Variants in PHF24 observed in about 807,000 individuals in gnomAD.
PHF24 encodes Galpha inhibitory interacting protein.
In PHF24, 25 loss-of-function variants were observed where a neutral mutation model predicts 42.6. That is an observed-to-expected ratio of 0.59 (90% confidence interval 0.43 to 0.82). The LOEUF is 0.82. Among genes scored for constraint, PHF24 ranks in the 40% least tolerant of loss-of-function variants. The pLI, the probability that PHF24 is intolerant of heterozygous loss-of-function variation, is 0.00. For synonymous variants in PHF24, 185 were observed against 204.8 expected, an observed-to-expected ratio of 0.90 and a Z score of 0.83; for missense variants, 470 against 538.1, an observed-to-expected ratio of 0.87 and a Z score of 1.25.
At chr9:34,893,640 C>T in the PHF24 span, among the ~76,000 whole-genome samples, 1 of 151,868 alleles carries the variant, frequency 6.6e-6, no homozygotes, top group African/African-American at 2.4e-5. Flanking sequence ...AAGAAAAAGC[C>T]ATTTGGCAAG....
the PHF24 span, among the ~76,000 whole-genome samples, chr9:34,715,103 G>T: frequency 1.3e-5 from 2 of 152,040 alleles, no homozygotes; most frequent in African/African-American, 4.8e-5. Context: ...AAGGTTAGGA[G>T]CCCTAAGGGA....
At chr9:34,940,273 C>T in the PHF24 span, among the ~76,000 whole-genome samples, 1 of 152,068 alleles carries the variant, frequency 6.6e-6, no homozygotes, top group Non-Finnish European at 1.5e-5. Context: ...TTCTCCCTCC[C>T]AGATAAGCAC....
the PHF24 span, among the ~76,000 whole-genome samples, chr9:34,738,909 T>C: frequency 6.6e-5 from 10 of 152,124 alleles, no homozygotes; most frequent in Non-Finnish European, 1.0e-4. Flanking sequence ...TATCTGAGGA[T>C]GATGGAGAAG....
chr9:34,837,687 CT>C, the PHF24 span: 1 of 1,522,554 alleles, frequency 6.6e-7, no homozygotes, highest in Non-Finnish European at 8.9e-7. Flanking sequence ...CTTTGCCTGA[CT>C]TTTTGGTGAC....
chr9:34,830,316 T>G, the PHF24 span, among the ~76,000 whole-genome samples: 1 of 152,266 alleles, frequency 6.6e-6, no homozygotes, highest in Non-Finnish European at 1.5e-5. Flanking sequence ...GTTTATCATT[T>G]TGCCTTAAAA....
chr9:34,680,864 C>G, the PHF24 span: 1 of 152,108 alleles, frequency 6.6e-6, no homozygotes, highest in Non-Finnish European at 1.5e-5. Flanking sequence ...TTCACTGACT[C>G]CTCTTTTCTT....
chr9:34,720,745 C>T, the PHF24 span, among the ~76,000 whole-genome samples: 1 of 152,216 alleles, frequency 6.6e-6, no homozygotes, highest in Non-Finnish European at 1.5e-5. Context: ...GCCTCATGCT[C>T]TTGCGCAGTC....
the PHF24 span, among the ~76,000 whole-genome samples, chr9:34,807,162 G>A: frequency 6.6e-6 from 1 of 152,184 alleles, no homozygotes; most frequent in Admixed American, 6.5e-5. Flanking sequence ...CATTAAGTAT[G>A]ATGCTACTAT....
the PHF24 span, among the ~76,000 whole-genome samples, chr9:34,881,599 T>C: frequency 6.6e-6 from 1 of 152,116 alleles, no homozygotes; most frequent in East Asian, 1.9e-4. Flanking sequence ...ACAAATAAAC[T>C]AGAAAATCTA....
the PHF24 span, chr9:34,724,861 A>G: frequency 1.3e-6 from 2 of 1,548,942 alleles, no homozygotes; most frequent in Non-Finnish European, 1.7e-6. Context: ...GGAGCGCCAC[A>G]TAATACAGAG....
At chr9:34,811,790 CAG>C in the PHF24 span, among the ~76,000 whole-genome samples, 572 of 152,072 alleles carry the variant, frequency 3.8e-3, 2 homozygotes, top group Non-Finnish European at 6.5e-3. Flanking sequence ...AAAGAAAAAA[CAG>C]ATAAAATATC....
the PHF24 span, among the ~76,000 whole-genome samples, chr9:34,899,431 T>C: frequency 6.6e-6 from 1 of 152,214 alleles, no homozygotes; most frequent in Non-Finnish European, 1.5e-5. Flanking sequence ...GTGACTGACA[T>C]GCCACTGGTG....
At chr9:34,709,916 A>G in the PHF24 span, 1 of 1,614,170 alleles carries the variant, frequency 6.2e-7, no homozygotes. Flanking sequence ...TGGGATTCAC[A>G]GGGAGCCAGG....
chr9:34,846,169 C>T, the PHF24 span, among the ~76,000 whole-genome samples: 8 of 152,252 alleles, frequency 5.3e-5, no homozygotes, highest in African/African-American at 1.9e-4. Context: ...CCTGAGGAAT[C>T]GCCACACTGA....
chr9:34,709,381 G>A, the PHF24 span: 1 of 1,606,086 alleles, frequency 6.2e-7, no homozygotes, highest in African/African-American at 1.3e-5. Flanking sequence ...AGGGCTCCAG[G>A]CTGCTCACTG....
chr9:34,851,412 G>A, the PHF24 span, among the ~76,000 whole-genome samples: 54,472 of 151,990 alleles, frequency 0.36, 10,125 homozygotes, highest in East Asian at 0.66. Flanking sequence ...AGCCAGGTGC[G>A]GGATATAATC....
chr9:34,910,755 CTT>C, the PHF24 span, among the ~76,000 whole-genome samples: 1 of 151,502 alleles, frequency 6.6e-6, no homozygotes, highest in Non-Finnish European at 1.5e-5. Flanking sequence ...GAGTCTCTAA[CTT>C]TTAGTTTACC....
At chr9:34,696,433 T>C in the PHF24 span, among the ~76,000 whole-genome samples, 3 of 144,342 alleles carry the variant, frequency 2.1e-5, no homozygotes, top group East Asian at 4.1e-4. Flanking sequence ...AGTTGCGGTG[T>C]GCAGAGATCA....
At chr9:34,953,846 G>A (rs915546830), upstream of PHF24, among the ~76,000 whole-genome samples, 1 of 152,062 alleles carries the variant, frequency 6.6e-6, no homozygotes, top group Admixed American at 6.6e-5. The surrounding 1 kb of genome is among the most constrained non-coding windows in gnomAD (Gnocchi z 4.1). Context: ...TGAGGCGAGA[G>A]GATAGCTTGA....
Sources: allele counts gnomAD v4.1 joint callset (sites outside exome capture counted in the v4.1 genomes callset), GRCh38; gene constraint gnomAD v4.1.1; non-coding constraint Gnocchi (gnomAD v3.1); transcripts MANE v1.5; gene names NCBI Gene and HGNC (gene_info 2026-07-23, HGNC 2026-07-21).